Variants in DUOX1 observed in about 807,000 individuals in gnomAD.
DUOX1 encodes the protein NADPH thyroid oxidase 1.
A neutral mutation model predicts 181.8 loss-of-function variants in DUOX1; 134 were observed. That is an observed-to-expected ratio of 0.74 (90% CI 0.64 to 0.85). The LOEUF (loss-of-function observed/expected upper bound fraction) is 0.85. DUOX1 is among the 40% of genes least tolerant of loss of function. The probability of loss-of-function intolerance (pLI) is 0.00; values close to 1 mark genes in which losing one functional copy is unlikely to be tolerated. For synonymous variants in DUOX1, 798 were observed against 832.5 expected (o/e 0.96, Z 0.71); for missense variants, 1,814 against 2,064.4 (o/e 0.88, Z 2.35).
intron 7 of DUOX1, 47 bp from the exon 8 acceptor site, chr15:45,136,303 C>A (rs778890901): frequency 6.2e-7 from 1 of 1,611,918 alleles, no homozygotes; most frequent in Non-Finnish European, 8.5e-7. Flanking sequence ...CTTCCAGGTC[C>A]CTCCCCATCC....
chr15:45,140,664 A>C (rs1595580236), intron 12 of DUOX1: 1 of 448,896 alleles, frequency 2.2e-6, no homozygotes, highest in Non-Finnish European at 3.9e-6. Context: ...TGGCTGTTTT[A>C]TTACTTTATA....
In DUOX1 at chr15:45,134,305, C is replaced by T. The variant is rs1311579316; in HGVS notation, c.303C>T (p.Phe101=). Residue 101 remains phenylalanine (F), a synonymous_variant, in exon 4 of 34, where the codon TTC becomes TTT. Transcript: ENST00000389037. The stretch of plus-strand genomic sequence containing the variant: ...GAAACCGCACAGTGTTGGGGGTCTT[C>T]TTTGGTGAGAACTTCAACCTCTGGG... ...SLRNRTVLGV[F]FGYHVLSDLV... is the part of the protein sequence containing the mutation. The T allele has an allele frequency of 6.3e-7, 1 of 1,593,722 alleles. No homozygotes were observed. The highest frequency in any genetic ancestry group is 1.4e-5 in the African/African-American group (1 of 73,486).
At chr15:45,138,916 C>A in intron 10 of DUOX1, 150 bp from the exon 11 acceptor site, 2 of 683,556 alleles carry the variant, frequency 2.9e-6, no homozygotes, top group African/African-American at 1.8e-5. Flanking sequence ...GGGGAATCAA[C>A]CTGCAGAAGA....
chr15:45,145,408 C>T (rs1706779), intron 18 of DUOX1, among the ~76,000 whole-genome samples: 149,601 of 152,266 alleles, frequency 0.98, 73,573 homozygotes, highest in Non-Finnish European at 1. Context: ...CCCAGAGCAG[C>T]GTGGGCACCA....
intron 29 of DUOX1, among the ~76,000 whole-genome samples, chr15:45,161,444 A>AGGAG (rs368654104): frequency 0.078 from 5,802 of 74,054 alleles, 356 homozygotes; most frequent in Non-Finnish European, 0.14. Context: ...AAAAAAAGGA[A>AGGAG]GGAGGGAGGG....
intron 3 of DUOX1, 61 bp downstream of exon 3, chr15:45,134,008 G>C (rs546547910): frequency 1.9e-6 from 3 of 1,587,876 alleles, no homozygotes; most frequent in Non-Finnish European, 2.6e-6. Flanking sequence ...GTGCTGCGGG[G>C]CAAGAGCTGG....
chr15:45,136,364 T>C lies in DUOX1; in HGVS notation c.879T>C (p.Tyr293=). 6.2e-7 allele frequency: 1 copy of C among 1,613,850 alleles called. No individual in the cohort carries two copies. Among genetic ancestry groups the C allele is most frequent in the Non-Finnish European group, 8.5e-7 (1 of 1,180,022 alleles). Residue 293 remains tyrosine (Y), a synonymous_variant, in exon 8 of 34, where the codon TAT becomes TAC. Transcript: ENST00000389037. The stretch of plus-strand genomic sequence containing the variant: ...CTGCCCCTCAGAACATCGCTGTGTA[T>C]GAGTGGCTGCCCAGCTTCCTGCAGA... ...VIATYQNIAV[Y]EWLPSFLQKT...
At chr15:45,159,138 G>A (rs555495079) in intron 28 of DUOX1, among the ~76,000 whole-genome samples, 3 of 152,344 alleles carry the variant, frequency 2.0e-5, no homozygotes, top group East Asian at 1.9e-4. Context: ...GAGGGGACAG[G>A]GCTGGCTGCA....
intron 18 of DUOX1, among the ~76,000 whole-genome samples, 159 bp from the exon 19 acceptor site, chr15:45,147,274 T>A (rs1299319393): frequency 6.6e-6 from 1 of 152,208 alleles, no homozygotes; most frequent in African/African-American, 2.4e-5. Flanking sequence ...GGGTCAGGGT[T>A]CTGTAGAACA....
intron 12 of DUOX1, chr15:45,139,931 C>T (rs1265178445): frequency 4.5e-6 from 3 of 662,718 alleles, no homozygotes; most frequent in Non-Finnish European, 7.9e-6. Flanking sequence ...ACAATCTGTG[C>T]TTTCTTGCAC....
chr15:45,151,822 T>A, intron 23 of DUOX1, 52 bp from the exon 24 acceptor site: 1 of 1,558,872 alleles, frequency 6.4e-7, no homozygotes, highest in East Asian at 2.3e-5. Context: ...GGGGCCCCAC[T>A]AGCGTTGGGT....
chr15:45,162,401 C>G (rs772843715), intron 31 of DUOX1, 24 bp downstream of exon 31: 16 of 1,607,366 alleles, frequency 1.0e-5, no homozygotes, highest in Non-Finnish European at 1.3e-5. Flanking sequence ...CCACTTCCCA[C>G]CAACCCATGG....
rs74011378 is a variant in DUOX1 at position 45,165,109 on chromosome 15, G to A, written c.*208G>A. 0.11 allele frequency: 67,419 copies of A among 601,198 alleles called. 4,412 individuals are homozygous for A. The highest frequency in any genetic ancestry group is 0.22 in the South Asian group (10,712 of 49,256). 37.2% of individuals were successfully genotyped at this position (601,198 alleles called of 1,614,324 possible). A position where few individuals can be genotyped will look rare whatever the true frequency, so the allele number is the denominator to read the frequency against. Reference sequence around the variant, plus strand: ...TCTCAGCCTGGAGAAATGGTGGGGGGGCAGTGTCTAGGGACTAGAGTGAGA... The same window carrying A: ...TCTCAGCCTGGAGAAATGGTGGGGGAGCAGTGTCTAGGGACTAGAGTGAGA... On this transcript the variant is annotated 3_prime_UTR_variant, in exon 34 of 34. Coordinates refer to ENST00000389037, the MANE Select transcript of DUOX1 (RefSeq NM_175940.3).
Position 45,134,161 on chromosome 15 carries a change from C to T in DUOX1, c.159C>T (p.Arg53=), listed in dbSNP as rs1322893996. 1.9e-6 allele frequency: 3 copies of T among 1,556,358 alleles called. No homozygotes were observed. Among genetic ancestry groups the T allele is most frequent in the African/African-American group, 1.4e-5 (1 of 72,264 alleles). ...RWGSKGSRLQ[R]LVPASYADGV... is the part of the protein sequence containing the mutation. ...CTACCCCAGGCTCCCGGCTGCAGCG[C>T]CTGGTCCCAGCCAGCTATGCAGATG... The change falls in exon 4 of 34, where the codon CGC becomes CGT. Residue 53 remains arginine, a synonymous_variant. Transcript: ENST00000389037.
intron 2 of DUOX1, among the ~76,000 whole-genome samples, chr15:45,133,499 G>T (rs1942171967): frequency 6.6e-6 from 1 of 152,056 alleles, no homozygotes; most frequent in African/African-American, 2.4e-5. Flanking sequence ...CTGTCCTGTT[G>T]TGTCCCCTCA....
chr15:45,133,965 G>A lies in DUOX1; in HGVS notation c.142+18G>A. ...CAGCAAAGGTAAGTGAGAGCCAAGT[G>A]GGGATAGAACCCCAGGGCCAGGGGG... On this transcript the variant is annotated intron_variant, in intron 3 of 33. Coordinates refer to ENST00000389037, the MANE Select transcript of DUOX1 (RefSeq NM_175940.3). 2 of 1,613,318 alleles carry A rather than the reference G, an allele frequency of 1.2e-6. No homozygotes were observed. The highest frequency in any genetic ancestry group is 4.5e-5 in the East Asian group (2 of 44,886).
At chr15:45,150,559 T>C (rs903519765) in intron 21 of DUOX1, 73 bp from the exon 22 acceptor site, 7 of 1,377,132 alleles carry the variant, frequency 5.1e-6, no homozygotes, top group Non-Finnish European at 7.2e-6. Flanking sequence ...ATGGTAGGAG[T>C]GCTGTGCGTT....
rs1896324180 is a variant in DUOX1 at position 45,136,605 on chromosome 15, G to A, written c.1002G>A (p.Val334=). ...AASEQFLSTM[V]PPGVYMRNAS... is the part of the protein sequence containing the mutation. ...CTGAGCAGTTCCTGTCCACCATGGT[G>A]CCCCCTGGCGTCTACATGAGGTGAG... The change falls in exon 9 of 34, where the codon GTG becomes GTA. Residue 334 remains valine, a synonymous_variant. Coordinates refer to ENST00000389037, the MANE Select transcript of DUOX1 (RefSeq NM_175940.3). 1 of 1,613,898 alleles carries A rather than the reference G, an allele frequency of 6.2e-7. No individual in the cohort carries two copies. The highest frequency in any genetic ancestry group is 8.5e-7 in the Non-Finnish European group (1 of 1,180,014).
rs1595577277 is a variant in DUOX1, at chr15:45,136,693, T to C, written c.1022+68T>C. 7 of 1,430,452 alleles carry C rather than the reference T, an allele frequency of 4.9e-6. No individual in the cohort carries two copies. The East Asian group carries it at 1.6e-4, about 33-fold the overall frequency. 88.6% of individuals were successfully genotyped at this position (1,430,452 alleles called of 1,614,324 possible). On this transcript the variant is annotated intron_variant, in intron 9 of 33. Coordinates refer to ENST00000389037, the MANE Select transcript of DUOX1 (RefSeq NM_175940.3). ...GCTGTCAACTGAGGAAAATCTGCCC[T>C]CAGGAGCCCTCTGTACAGGATTATC...
Sources: gnomAD v4.1 joint callset for allele counts (sites outside exome capture counted in the v4.1 genomes callset) on GRCh38, gnomAD v4.1.1 for gene constraint, MANE v1.5 for transcripts, NCBI Gene and HGNC (gene_info 2026-07-23, HGNC 2026-07-21) for gene names.